The following DAD1 variants were observed in gnomAD, a reference collection of about 807,000 sequenced individuals.
DAD1 encodes dolichyl-diphosphooligosaccharide--protein glycosyltransferase subunit DAD1.
In DAD1, 4 loss-of-function variants were observed where a neutral mutation model predicts 9.0. That is an observed-to-expected ratio of 0.44 (90% CI 0.22 to 1.01). The LOEUF is 1.01. Among genes scored for constraint, DAD1 ranks in the 50% least tolerant of loss-of-function variants. DAD1 has a pLI of 0.24. For synonymous variants in DAD1, 60 were observed against 62.5 expected, an observed-to-expected ratio of 0.96 and a Z score of 0.19; for missense variants, 119 against 137.3, an observed-to-expected ratio of 0.87 and a Z score of 0.67.
intron 1 of DAD1, among the ~76,000 whole-genome samples, chr14:22,581,870 A>T (rs553034543): frequency 6.6e-6 from 1 of 152,000 alleles, no homozygotes; most frequent in African/African-American, 2.4e-5. Flanking sequence ...GGATTCAGTT[A>T]TAAGAGCGGT....
Position 22,564,958 on chromosome 14 carries a change from G to T in DAD1, c.*224C>A. The T allele has an allele frequency of 1.7e-6, 1 of 602,134 alleles. No individual in the cohort carries two copies. Among genetic ancestry groups the T allele is most frequent in the East Asian group, 2.8e-5 (1 of 36,028 alleles). The allele number at this position is 602,134 out of a possible 1,614,324, so 37.3% of individuals were successfully genotyped here. ...TGGAAGGCAAAAGGTTACATTTAAT[G>T]AAAGGCAGAGGCTGGATTAATAAAT... On this transcript the variant is annotated 3_prime_UTR_variant, in exon 3 of 3. Coordinates refer to ENST00000250498, the MANE Select transcript of DAD1 (RefSeq NM_001344.4).
At position 22,565,105 on chromosome 14, in the gene DAD1, A is replaced by G. The variant is rs1189049107; in HGVS notation, c.*77T>C. 1.4e-6 allele frequency: 1 copy of G among 702,288 alleles called. No homozygotes were observed. The highest frequency in any genetic ancestry group is 1.7e-5 in the African/African-American group (1 of 57,368). 43.5% of individuals were successfully genotyped at this position (702,288 alleles called of 1,614,324 possible). On this transcript the variant is annotated 3_prime_UTR_variant, in exon 3 of 3. Coordinates refer to ENST00000250498, the MANE Select transcript of DAD1 (RefSeq NM_001344.4). ...ATGTGTCCAATAAGCTGCCATCTCC[A>G]GAACTCTTATCCAGGAAATTCAAAG...
chr14:22,573,455 TA>T (rs1288838962), intron 2 of DAD1, among the ~76,000 whole-genome samples: 1 of 152,022 alleles, frequency 6.6e-6, no homozygotes, highest in Admixed American at 6.6e-5. Flanking sequence ...AAGTGGTTCT[TA>T]AAAGTTTTTC....
chr14:22,588,577 A>T (rs1022997882), intron 1 of DAD1, among the ~76,000 whole-genome samples: 3 of 152,258 alleles, frequency 2.0e-5, no homozygotes, highest in African/African-American at 7.2e-5. Flanking sequence ...GATTAGGCCA[A>T]GATGACAGAG....
intron 1 of DAD1, 88 bp from the exon 2 acceptor site, chr14:22,575,321 C>A: frequency 7.0e-7 from 1 of 1,424,190 alleles, no homozygotes; most frequent in Non-Finnish European, 9.5e-7. Context: ...GAGGACCCAA[C>A]AATTCTACTC....
Position 22,589,057 on chromosome 14 carries a change from A to G in DAD1, c.101T>C (p.Ile34Thr), listed in dbSNP as rs775203907. 2.1e-5 allele frequency: 34 copies of G among 1,614,124 alleles called. No individual in the cohort carries two copies. The highest frequency in any genetic ancestry group is 2.5e-5 in the Non-Finnish European group (30 of 1,180,038). The change falls in exon 1 of 3, where the codon ATA (isoleucine) becomes ACA (threonine). Residue 34 changes from isoleucine to threonine, a missense_variant. Physicochemically the swap from Ile to Thr is moderately conservative, Grantham distance 89. Coordinates refer to ENST00000250498, the MANE Select transcript of DAD1 (RefSeq NM_001344.4). ...LKLLDAYLLY[I>T]LLTGALQFGY... Reference sequence around the variant, plus strand: ...GAACTGCAGCGCCCCGGTCAGCAGTATATACAGCAGGTACGCGTCCAGCAA... The same window carrying G: ...GAACTGCAGCGCCCCGGTCAGCAGTGTATACAGCAGGTACGCGTCCAGCAA...
intron 1 of DAD1, 32 bp downstream of exon 1, chr14:22,588,915 A>C (rs754204577): frequency 4.5e-5 from 73 of 1,606,408 alleles, no homozygotes; most frequent in Non-Finnish European, 5.7e-5. Flanking sequence ...AAAGTAACAC[A>C]TTATTATTAT....
At chr14:22,570,405 C>CA (rs759558953) in intron 2 of DAD1, among the ~76,000 whole-genome samples, 30 of 152,114 alleles carry the variant, frequency 2.0e-4, no homozygotes, top group Non-Finnish European at 5.9e-5. Flanking sequence ...GAATGTAAAG[C>CA]AACCCCCAAC....
At chr14:22,566,355 A>G (rs2037002009) in intron 2 of DAD1, among the ~76,000 whole-genome samples, 1 of 150,826 alleles carries the variant, frequency 6.6e-6, no homozygotes, top group Non-Finnish European at 1.5e-5. Flanking sequence ...TTTTTTCAAG[A>G]CAGAGTTTTG....
At chr14:22,582,674 G>A (rs1336579902) in intron 1 of DAD1, among the ~76,000 whole-genome samples, 1 of 152,118 alleles carries the variant, frequency 6.6e-6, no homozygotes, top group African/African-American at 2.4e-5. Flanking sequence ...GGAGATAAGA[G>A]AAATCAAGGG....
intron 1 of DAD1, among the ~76,000 whole-genome samples, chr14:22,578,208 G>A (rs5742767): frequency 1.3e-5 from 2 of 151,026 alleles, no homozygotes; most frequent in Non-Finnish European, 2.9e-5. Flanking sequence ...AGCCAAGATC[G>A]TGCCATTGCA....
chr14:22,578,792 G>T (rs376004333), intron 1 of DAD1, among the ~76,000 whole-genome samples: 1 of 151,960 alleles, frequency 6.6e-6, no homozygotes, highest in Non-Finnish European at 1.5e-5. Context: ...ATTAAATTTC[G>T]CACTCTGTTA....
intron 1 of DAD1, among the ~76,000 whole-genome samples, chr14:22,580,132 C>T (rs1381522682): frequency 6.6e-6 from 1 of 152,052 alleles, no homozygotes; most frequent in African/African-American, 2.4e-5. Context: ...CCTAATTTCA[C>T]TTGGCCAGGG....
chr14:22,575,288 T>C (rs755237148), intron 1 of DAD1, 55 bp from the exon 2 acceptor site: 9 of 1,586,388 alleles, frequency 5.7e-6, no homozygotes, highest in Non-Finnish European at 7.7e-6. Context: ...AAAATAAATA[T>C]GCTAATGAAC....
At chr14:22,567,753 G>C (rs1010936481) in intron 2 of DAD1, among the ~76,000 whole-genome samples, 2 of 152,176 alleles carry the variant, frequency 1.3e-5, no homozygotes, top group Non-Finnish European at 2.9e-5. Context: ...ACTGCAAAAA[G>C]CTCTGTTGGA....
At chr14:22,587,370 A>T (rs2037160538) in intron 1 of DAD1, among the ~76,000 whole-genome samples, 1 of 152,150 alleles carries the variant, frequency 6.6e-6, no homozygotes, top group Admixed American at 6.5e-5. Context: ...AATTAAATCA[A>T]AAGTTCTCAT....
chr14:22,575,413 T>C (rs1161201006), intron 1 of DAD1, among the ~76,000 whole-genome samples, 180 bp from the exon 2 acceptor site: 1 of 152,182 alleles, frequency 6.6e-6, no homozygotes, highest in Non-Finnish European at 1.5e-5. Flanking sequence ...AACAATCTAA[T>C]GTCTATCAAC....
intron 1 of DAD1, among the ~76,000 whole-genome samples, chr14:22,586,075 A>G (rs1681580): frequency 0.081 from 12,366 of 152,068 alleles, 658 homozygotes; most frequent in Admixed American, 0.14. Context: ...ACGTGGTGGC[A>G]GGCGCCTGCA....
At chr14:22,579,988 C>T (rs34494744) in intron 1 of DAD1, among the ~76,000 whole-genome samples, 1 of 151,858 alleles carries the variant, frequency 6.6e-6, no homozygotes, top group African/African-American at 2.4e-5. Flanking sequence ...AACAGTCATG[C>T]ACCACCATGC....
Sources: allele counts gnomAD v4.1 joint callset (sites outside exome capture counted in the v4.1 genomes callset), GRCh38; gene constraint gnomAD v4.1.1; transcripts MANE v1.5; gene names NCBI Gene and HGNC (gene_info 2026-07-23, HGNC 2026-07-21).